The following GRM8 variants were observed in gnomAD, a reference collection of about 807,000 sequenced individuals.
The protein encoded by GRM8 is glutamate metabotropic receptor 8.
A neutral mutation model predicts 87.2 loss-of-function variants in GRM8; 47 were observed. The observed-to-expected ratio is 0.54, with a 90% CI of 0.43 to 0.69. The LOEUF is 0.69. Ranked by LOEUF, GRM8 falls within the 30% of genes least tolerant of loss-of-function variation. The pLI is 0.00. For synonymous variants in GRM8, 396 were observed against 404.5 expected (o/e 0.98, Z 0.25); for missense variants, 1,019 against 1,139.2 (o/e 0.89, Z 1.52).
chr7:127,247,240 T>A (rs924977860), intron 1 of GRM8, among the ~76,000 whole-genome samples: 1 of 152,180 alleles, frequency 6.6e-6, no homozygotes, highest in Non-Finnish European at 1.5e-5. Flanking sequence ...CAGGTTGATG[T>A]CAAGGTGATG....
chr7:126,607,935 C>A (rs535181498), intron 8 of GRM8, among the ~76,000 whole-genome samples: 1 of 149,790 alleles, frequency 6.7e-6, no homozygotes, highest in Non-Finnish European at 1.5e-5. Context: ...TCCTGGCCAC[C>A]AAATTTCTGT....
chr7:126,591,640 G>T (rs1024870686), intron 8 of GRM8, among the ~76,000 whole-genome samples: 4 of 151,796 alleles, frequency 2.6e-5, no homozygotes, highest in African/African-American at 9.7e-5. Context: ...ACAGTTCCAA[G>T]AGGAAAGTTC....
intron 7 of GRM8, among the ~76,000 whole-genome samples, chr7:126,696,369 GCTCT>G (rs1333880453): frequency 2.0e-5 from 3 of 152,024 alleles, no homozygotes; most frequent in African/African-American, 7.3e-5. Flanking sequence ...TGATATTGAT[GCTCT>G]CTCTTTCCCT....
At chr7:127,113,254 C>T (rs1033103398) in intron 2 of GRM8, among the ~76,000 whole-genome samples, 1 of 152,118 alleles carries the variant, frequency 6.6e-6, no homozygotes, top group South Asian at 2.1e-4. Flanking sequence ...CTGTTCACCA[C>T]AGTTACTGGT....
chr7:127,147,845 T>C (rs1828637181), intron 2 of GRM8, among the ~76,000 whole-genome samples: 1 of 152,116 alleles, frequency 6.6e-6, no homozygotes, highest in South Asian at 2.1e-4. Flanking sequence ...CAAATGCAGC[T>C]TTAAAATGAG....
chr7:127,092,713 A>G (rs915898687), intron 3 of GRM8, among the ~76,000 whole-genome samples: 5 of 152,216 alleles, frequency 3.3e-5, no homozygotes, highest in East Asian at 1.9e-4. Context: ...TCTCAGGGGG[A>G]AAAGAAAAAA....
chr7:126,516,741 T>C (rs1812225153), intron 9 of GRM8, among the ~76,000 whole-genome samples: 1 of 152,096 alleles, frequency 6.6e-6, no homozygotes, highest in African/African-American at 2.4e-5. Flanking sequence ...ATTCATAGTA[T>C]AAGTGGACCA....
chr7:126,468,663 A>C (rs1409895524), intron 9 of GRM8, among the ~76,000 whole-genome samples: 1 of 152,012 alleles, frequency 6.6e-6, no homozygotes, highest in African/African-American at 2.4e-5. Context: ...TTCTCCTGCC[A>C]TTGTCTGTGT....
chr7:127,136,871 T>C (rs2133248856), intron 2 of GRM8, among the ~76,000 whole-genome samples: 1 of 151,994 alleles, frequency 6.6e-6, no homozygotes, highest in South Asian at 2.1e-4. Context: ...TTTTAAATAT[T>C]CCACTCCTGA....
intron 3 of GRM8, among the ~76,000 whole-genome samples, chr7:126,926,820 T>C (rs1290516807): frequency 6.6e-6 from 1 of 152,224 alleles, no homozygotes; most frequent in Non-Finnish European, 1.5e-5. Context: ...TCCCAACTTC[T>C]TGTCTTCCCA....
chr7:126,614,711 G>A (rs1163824010), intron 7 of GRM8, among the ~76,000 whole-genome samples: 1 of 152,222 alleles, frequency 6.6e-6, no homozygotes, highest in Non-Finnish European at 1.5e-5. Flanking sequence ...TATGGCACGA[G>A]AAATACGTGA....
intron 3 of GRM8, among the ~76,000 whole-genome samples, chr7:127,032,361 A>C (rs1817458642): frequency 6.6e-6 from 1 of 151,936 alleles, no homozygotes; most frequent in African/African-American, 2.4e-5. Flanking sequence ...GTCACATTCA[A>C]CTCACTTTCA....
intron 3 of GRM8, among the ~76,000 whole-genome samples, chr7:126,923,225 CTTGT>C (rs1210514932): frequency 5.9e-5 from 9 of 152,182 alleles, no homozygotes; most frequent in South Asian, 2.1e-4. Context: ...ATAATAGGTG[CTTGT>C]TTAATATTTT....
chr7:126,630,224 C>T (rs142795138), intron 7 of GRM8, among the ~76,000 whole-genome samples: 209 of 151,742 alleles, frequency 1.4e-3, no homozygotes, highest in African/African-American at 4.9e-3. Context: ...AAATTAAAAT[C>T]ATAGAGTGCT....
chr7:126,647,666 G>A (rs17690706), intron 7 of GRM8, among the ~76,000 whole-genome samples: 46,662 of 151,854 alleles, frequency 0.31, 8,031 homozygotes, highest in East Asian at 0.43. Context: ...GAAGAATCTG[G>A]AGCCATCATT....
At chr7:126,705,094 T>C (rs1810353924) in intron 7 of GRM8, among the ~76,000 whole-genome samples, 1 of 152,168 alleles carries the variant, frequency 6.6e-6, no homozygotes, top group African/African-American at 2.4e-5. Context: ...TCTTTTGTAC[T>C]CTGTCCCTTT....
chr7:126,843,766 C>T (rs141493372), intron 6 of GRM8, among the ~76,000 whole-genome samples: 2 of 152,322 alleles, frequency 1.3e-5, no homozygotes, highest in Non-Finnish European at 1.5e-5. Flanking sequence ...TGCTGTTTTC[C>T]TTCTGCTCAG....
chr7:127,232,242 A>C (rs1350805180), intron 2 of GRM8, among the ~76,000 whole-genome samples: 2 of 150,926 alleles, frequency 1.3e-5, no homozygotes, highest in African/African-American at 4.9e-5. Flanking sequence ...AGAGAGAGAC[A>C]GACAGACAGA....
chr7:126,536,187 A>C (rs1377269521), intron 8 of GRM8, among the ~76,000 whole-genome samples: 1 of 152,322 alleles, frequency 6.6e-6, no homozygotes, highest in East Asian at 1.9e-4. Flanking sequence ...ATACTTCCAA[A>C]GCAGCCCGAA....
Sources: allele counts gnomAD v4.1 joint callset (sites outside exome capture counted in the v4.1 genomes callset), GRCh38; gene constraint gnomAD v4.1.1; transcripts MANE v1.5; gene names NCBI Gene and HGNC (gene_info 2026-07-23, HGNC 2026-07-21).